Variants in RRM2B observed in about 807,000 individuals in gnomAD.
RRM2B encodes the protein ribonucleotide reductase regulatory TP53 inducible subunit M2B, also known as ribonucleoside-diphosphate reductase subunit M2 B.
In RRM2B, 20 loss-of-function variants were observed where a neutral mutation model predicts 45.9. The ratio of observed to expected loss-of-function variants is 0.44; its 90% CI spans 0.31 to 0.63. RRM2B has a LOEUF of 0.63. Ranked by LOEUF, RRM2B falls within the 30% of genes least tolerant of loss-of-function variation. The pLI is 0.09. For synonymous variants in RRM2B, 124 were observed against 132.3 expected (o/e 0.94, Z 0.43); for missense variants, 320 against 414.7 (o/e 0.77, Z 1.98).
chr8:102,227,662 T>C (rs1810955763), intron 2 of RRM2B, among the ~76,000 whole-genome samples: 2 of 152,146 alleles, frequency 1.3e-5, no homozygotes, highest in Admixed American at 1.3e-4. Context: ...CAAATTACCA[T>C]TGACTGGGTT....
intron 2 of RRM2B, among the ~76,000 whole-genome samples, chr8:102,228,027 G>C (rs959021835): frequency 1.3e-5 from 2 of 152,134 alleles, no homozygotes; most frequent in Non-Finnish European, 2.9e-5. Context: ...CCTCAATCCT[G>C]GAACTGCAGC....
chr8:102,228,815 A>G (rs2132558999), intron 2 of RRM2B, among the ~76,000 whole-genome samples: 1 of 152,364 alleles, frequency 6.6e-6, no homozygotes, highest in Admixed American at 6.5e-5. Flanking sequence ...CAGCATGCGC[A>G]TTCCAGTTCC....
chr8:102,218,518 G>A (rs1810771575), intron 6 of RRM2B, among the ~76,000 whole-genome samples: 1 of 152,076 alleles, frequency 6.6e-6, no homozygotes, highest in South Asian at 2.1e-4. Context: ...AGGAGTTCAA[G>A]ACCAGCCTGG....
intron 2 of RRM2B, 93 bp from the exon 3 acceptor site, chr8:102,226,127 C>T (rs1396759097): frequency 1.0e-5 from 8 of 768,828 alleles, no homozygotes; most frequent in South Asian, 8.3e-5. Context: ...GTAGGAATAT[C>T]CCACTACCAG....
chr8:102,224,471 G>T (rs1222115718), intron 4 of RRM2B, among the ~76,000 whole-genome samples: 2 of 152,082 alleles, frequency 1.3e-5, no homozygotes, highest in Non-Finnish European at 2.9e-5. Flanking sequence ...ACCATGCCTT[G>T]GCCTCACTTG....
rs1293853750 is a variant in RRM2B at position 102,218,685 on chromosome 8, C to T, written c.684+129G>A. On this transcript the variant is annotated intron_variant, in intron 6 of 8. Coordinates refer to ENST00000251810, the MANE Select transcript of RRM2B (RefSeq NM_015713.5). ...AGGCTGCAGCAAGCCATGATCGTGC[C>T]ACTGTATGCCAGCCTGGGTGACAGA... is the stretch of plus-strand genomic sequence containing the variant. The T allele has an allele frequency of 5.4e-6, 4 of 744,080 alleles. No individual in the cohort carries two copies. In the Admixed American group the frequency reaches 1.0e-4, roughly 19 times the overall value. The allele number at this position is 744,080 out of a possible 1,614,324, so 46.1% of individuals were successfully genotyped here.
chr8:102,209,368 T>G (rs1810598039), intron 8 of RRM2B, among the ~76,000 whole-genome samples: 2 of 152,164 alleles, frequency 1.3e-5, no homozygotes, highest in South Asian at 4.1e-4. Context: ...TTAAAGAAGA[T>G]ATACAAAATG....
chr8:102,214,033 T>C, intron 7 of RRM2B, 21 bp downstream of exon 7: 1 of 1,496,458 alleles, frequency 6.7e-7, no homozygotes, highest in Non-Finnish European at 9.3e-7. Context: ...ATGTGCTAAT[T>C]ACACAAACTT....
At position 102,218,725 on chromosome 8, in the gene RRM2B, C is replaced by CA. The variant is rs573218615; in HGVS notation, c.684+88dup. ...TGGGTGACAGAGTGAGATCCTGTCTCAAAAAAAAAAAAAAAAAGATGGAAA... is the reference window on the plus strand; with the variant it reads ...TGGGTGACAGAGTGAGATCCTGTCTCAAAAAAAAAAAAAAAAAAGATGGAAA... On this transcript the variant is annotated intron_variant, in intron 6 of 8. Coordinates refer to ENST00000251810, the MANE Select transcript of RRM2B (RefSeq NM_015713.5). 0.11 allele frequency: 86,920 copies of CA among 785,248 alleles called. 936 individuals carry two copies. Among genetic ancestry groups the CA allele is most frequent in the Admixed American group, 0.15 (4,832 of 32,058 alleles). The allele number at this position is 785,248 out of a possible 1,614,324, so 48.6% of individuals were successfully genotyped here. A position where few individuals can be genotyped will look rare whatever the true frequency, so the allele number is the denominator to read the frequency against.
At chr8:102,220,846 G>A (rs1020748232) in intron 5 of RRM2B, among the ~76,000 whole-genome samples, 2 of 152,218 alleles carry the variant, frequency 1.3e-5, no homozygotes, top group Non-Finnish European at 2.9e-5. Flanking sequence ...AGGATTATAA[G>A]TGGTACATTT....
chr8:102,233,255 A>C (rs1194100216), intron 1 of RRM2B, among the ~76,000 whole-genome samples: 1 of 152,182 alleles, frequency 6.6e-6, no homozygotes, highest in Non-Finnish European at 1.5e-5. Context: ...ATAGCAGAGG[A>C]GGCTAAGGCT....
intron 6 of RRM2B, among the ~76,000 whole-genome samples, chr8:102,216,309 A>G (rs1038596612): frequency 1.3e-5 from 2 of 152,086 alleles, no homozygotes; most frequent in Admixed American, 1.3e-4. Flanking sequence ...ACAAATTCCA[A>G]TTGCATTACA....
intron 8 of RRM2B, among the ~76,000 whole-genome samples, chr8:102,209,351 T>C (rs1810597871): frequency 6.6e-6 from 1 of 152,232 alleles, no homozygotes; most frequent in Non-Finnish European, 1.5e-5. Context: ...GACAAACTGA[T>C]ACTTCTTTAA....
At position 102,238,952 on chromosome 8, in the gene RRM2B, G is replaced by GTGGTCCGC. The variant is rs28999668; in HGVS notation, c.-86_-79dup. On this transcript the variant is annotated 5_prime_UTR_variant, in exon 1 of 9. Transcript: ENST00000251810. ...CACCTCCAACTACGACAGCACCCAG[G>GTGGTCCGC]TGGTCCGCTGGTCCGCTGGGTCCGC... 0.05 allele frequency: 72,972 copies of GTGGTCCGC among 1,469,664 alleles called. 2,604 individuals carry two copies. Among genetic ancestry groups the GTGGTCCGC allele is most frequent in the Middle Eastern group, 0.077 (441 of 5,696 alleles). The allele number at this position is 1,469,664 out of a possible 1,614,324, so 91.0% of individuals were successfully genotyped here.
intron 1 of RRM2B, among the ~76,000 whole-genome samples, chr8:102,235,426 T>G (rs566487949): frequency 3.3e-5 from 5 of 152,126 alleles, no homozygotes; most frequent in Non-Finnish European, 7.3e-5. Context: ...CAGACAAAAA[T>G]TTTGCTTCTC....
rs1810512839 is a variant in RRM2B, at chr8:102,204,664, G to T, written c.*3469C>A. 1 of 151,826 alleles carries T rather than the reference G, an allele frequency of 6.6e-6. No individual in the cohort carries two copies. Among genetic ancestry groups the T allele is most frequent in the South Asian group, 2.1e-4 (1 of 4,822 alleles). The allele number at this position is 151,826 out of a possible 1,614,324, so 9.4% of individuals were successfully genotyped here. Reference sequence around the variant, plus strand: ...TTTATTTGAAAAAAAAACAAATTCTGTACATGCAGGCTTGGCTTGATTGAC... The same window carrying T: ...TTTATTTGAAAAAAAAACAAATTCTTTACATGCAGGCTTGGCTTGATTGAC... On this transcript the variant is annotated 3_prime_UTR_variant, in exon 9 of 9. Coordinates refer to ENST00000251810, the MANE Select transcript of RRM2B (RefSeq NM_015713.5).
chr8:102,208,935 A>C (rs1810590410), intron 8 of RRM2B, among the ~76,000 whole-genome samples: 1 of 152,104 alleles, frequency 6.6e-6, no homozygotes, highest in South Asian at 2.1e-4. Flanking sequence ...GGATCACCTG[A>C]AGTCAGGAGT....
At chr8:102,217,377 A>G (rs1383982863) in intron 6 of RRM2B, among the ~76,000 whole-genome samples, 2 of 152,160 alleles carry the variant, frequency 1.3e-5, no homozygotes, top group Admixed American at 6.5e-5. Flanking sequence ...AATTCTCTAT[A>G]ACAATCCTAT....
intron 1 of RRM2B, chr8:102,238,602 G>A (rs1563669740): frequency 8.5e-6 from 13 of 1,527,318 alleles, no homozygotes; most frequent in Non-Finnish European, 1.1e-5. Context: ...TGGCCCCGGG[G>A]CAGAGCAGCG....
Sources: gnomAD v4.1 joint callset for allele counts (sites outside exome capture counted in the v4.1 genomes callset) on GRCh38, gnomAD v4.1.1 for gene constraint, MANE v1.5 for transcripts, NCBI Gene and HGNC (gene_info 2026-07-23, HGNC 2026-07-21) for gene names.